Variants in DLC1 observed in about 807,000 individuals in gnomAD.
DLC1 encodes the protein DLC1 Rho GTPase activating protein, also known as rho GTPase-activating protein 7.
Under a neutral mutation model 140.3 loss-of-function variants are expected in DLC1, and 54 were observed. The ratio of observed to expected loss-of-function variants is 0.38; its 90% confidence interval spans 0.31 to 0.48. DLC1 has a LOEUF of 0.48. Among genes scored for constraint, DLC1 ranks in the 20% least tolerant of loss-of-function variants. DLC1 has a pLI of 0.96. For synonymous variants in DLC1, 986 were observed against 728.1 expected (o/e 1.35, Z -5.70); for missense variants, 2,536 against 1,907.0 (o/e 1.33, Z -6.14).
intron 1 of DLC1, chr8:13,566,777 A>C: frequency 8.5e-6 from 5 of 590,726 alleles, no homozygotes; most frequent in Non-Finnish European, 1.1e-5. Context: ...GGCGCTGGGG[A>C]GCGCGGAGGA....
intron 1 of DLC1, among the ~76,000 whole-genome samples, chr8:13,573,092 T>C (rs537608368): frequency 6.6e-6 from 1 of 152,348 alleles, no homozygotes; most frequent in African/African-American, 2.4e-5. Context: ...TATTGAGCAT[T>C]CCAATTCACG....
At chr8:13,320,097 C>T (rs1269123237) in intron 4 of DLC1, among the ~76,000 whole-genome samples, 1 of 152,096 alleles carries the variant, frequency 6.6e-6, no homozygotes, top group African/African-American at 2.4e-5. Flanking sequence ...AGGTGTGGGC[C>T]ACCATGCCTG....
At chr8:13,213,268 C>T (rs922728455) in intron 5 of DLC1, among the ~76,000 whole-genome samples, 1 of 152,186 alleles carries the variant, frequency 6.6e-6, no homozygotes. Context: ...CCTGGGCCCA[C>T]TGTATAGAGG....
At chr8:13,139,159 G>T (rs1218247218) in intron 5 of DLC1, among the ~76,000 whole-genome samples, 1 of 151,584 alleles carries the variant, frequency 6.6e-6, no homozygotes, top group Non-Finnish European at 1.5e-5. Context: ...TGGGCATGCT[G>T]CTCGCCTGTG....
At chr8:13,138,809 C>G (rs943337678) in intron 5 of DLC1, among the ~76,000 whole-genome samples, 2 of 152,120 alleles carry the variant, frequency 1.3e-5, no homozygotes, top group Admixed American at 1.3e-4. Flanking sequence ...AACCCAAATG[C>G]TGGAGTGTAG....
At chr8:13,428,736 A>T (rs1390453892) in intron 2 of DLC1, among the ~76,000 whole-genome samples, 1 of 152,028 alleles carries the variant, frequency 6.6e-6, no homozygotes, top group Non-Finnish European at 1.5e-5. Context: ...TTTGCCATTT[A>T]ACGTGATGGG....
intron 1 of DLC1, among the ~76,000 whole-genome samples, chr8:13,592,578 C>T (rs868582884): frequency 3.3e-5 from 5 of 152,018 alleles, no homozygotes; most frequent in African/African-American, 1.2e-4. Context: ...TAATCCAAAA[C>T]ATATTTTGGT....
intron 2 of DLC1, 119 bp from the exon 3 acceptor site, chr8:13,401,738 A>T: frequency 7.6e-7 from 1 of 1,316,050 alleles, no homozygotes; most frequent in South Asian, 1.5e-5. Context: ...CTTTAATTAG[A>T]AGAGAAGTTC....
At chr8:13,427,912 T>C (rs1838666798) in intron 2 of DLC1, among the ~76,000 whole-genome samples, 1 of 152,208 alleles carries the variant, frequency 6.6e-6, no homozygotes, top group African/African-American at 2.4e-5. Context: ...AAATAAAATG[T>C]TAGGCATATA....
At chr8:13,446,274 A>G (rs1798773211) in intron 2 of DLC1, among the ~76,000 whole-genome samples, 1 of 152,216 alleles carries the variant, frequency 6.6e-6, no homozygotes, top group Non-Finnish European at 1.5e-5. Flanking sequence ...TCTTTTAGCA[A>G]AATTGTCGCA....
intron 4 of DLC1, among the ~76,000 whole-genome samples, chr8:13,357,153 C>G (rs1315696732): frequency 6.6e-6 from 1 of 152,130 alleles, no homozygotes; most frequent in East Asian, 1.9e-4. Flanking sequence ...TGCCTGTAAT[C>G]TCAGCTACTC....
At chr8:13,413,558 T>C (rs1837905503) in intron 2 of DLC1, among the ~76,000 whole-genome samples, 1 of 151,996 alleles carries the variant, frequency 6.6e-6, no homozygotes, top group Admixed American at 6.6e-5. Flanking sequence ...TCTGATATGG[T>C]TTGGCTTTGT....
intron 1 of DLC1, chr8:13,567,763 C>T (rs767759297): frequency 2.1e-5 from 33 of 1,551,858 alleles, no homozygotes; most frequent in Non-Finnish European, 2.7e-5. Context: ...TTCAGATGAC[C>T]CCAGAATAAT....
intron 2 of DLC1, among the ~76,000 whole-genome samples, chr8:13,453,536 ATACATATATATATATATATATT>A (rs1799247584): frequency 1.9e-5 from 1 of 52,164 alleles, no homozygotes; most frequent in Non-Finnish European, 3.2e-5. Flanking sequence ...ATGTATATAT[ATACATATATATATATATATATT>A]TTTTTTTTTT....
intron 5 of DLC1, among the ~76,000 whole-genome samples, chr8:13,270,592 T>C (rs184418139): frequency 3.3e-5 from 5 of 152,318 alleles, no homozygotes; most frequent in Admixed American, 1.3e-4. Context: ...CCCTCATCAA[T>C]GTGTGGAATC....
intron 5 of DLC1, among the ~76,000 whole-genome samples, chr8:13,255,301 T>C (rs1830174916): frequency 1.3e-5 from 2 of 152,168 alleles, no homozygotes; most frequent in South Asian, 4.1e-4. Flanking sequence ...ATTTTGTTAA[T>C]TATCAAATGG....
intron 5 of DLC1, among the ~76,000 whole-genome samples, chr8:13,151,404 T>G (rs1444481546): frequency 3.3e-5 from 5 of 152,176 alleles, no homozygotes; most frequent in Non-Finnish European, 5.9e-5. Flanking sequence ...TTAGGCAGAA[T>G]TTGAACAACT....
chr8:13,154,169 T>G (rs947298430), intron 5 of DLC1, among the ~76,000 whole-genome samples: 3 of 152,236 alleles, frequency 2.0e-5, no homozygotes, highest in African/African-American at 7.2e-5. Flanking sequence ...GAAGCCCAGC[T>G]GGCTTCCCCT....
At chr8:13,292,492 C>T (rs1214731939) in intron 5 of DLC1, among the ~76,000 whole-genome samples, 1 of 152,224 alleles carries the variant, frequency 6.6e-6, no homozygotes, top group African/African-American at 2.4e-5. Context: ...CAGCTCTCCA[C>T]TTTCCTAAAG....
Sources: gnomAD v4.1 joint callset for allele counts (sites outside exome capture counted in the v4.1 genomes callset) on GRCh38, gnomAD v4.1.1 for gene constraint, MANE v1.5 for transcripts, NCBI Gene and HGNC (gene_info 2026-07-23, HGNC 2026-07-21) for gene names.